Variants in SORBS2 observed in about 807,000 individuals in gnomAD.
SORBS2 encodes sorbin and SH3 domain-containing protein 2.
Under a neutral mutation model 97.7 loss-of-function variants are expected in SORBS2, and 46 were observed. That is an observed-to-expected ratio of 0.47 (90% CI 0.37 to 0.60). The LOEUF is 0.60. Ranked by LOEUF, SORBS2 falls within the 20% of genes least tolerant of loss-of-function variation. SORBS2 has a pLI of 0.00. For synonymous variants in SORBS2, 476 were observed against 473.4 expected, an observed-to-expected ratio of 1.01 and a Z score of -0.07; for missense variants, 1,316 against 1,282.3, an observed-to-expected ratio of 1.03 and a Z score of -0.40.
At chr4:185,908,804 G>A (rs900348612) in intron 1 of SORBS2, among the ~76,000 whole-genome samples, 4 of 151,930 alleles carry the variant, frequency 2.6e-5, no homozygotes, top group African/African-American at 9.7e-5. Context: ...AAAACAGATA[G>A]GTTGAGCCAT....
chr4:185,746,283 G>A (rs1037508046), intron 2 of SORBS2, among the ~76,000 whole-genome samples: 1 of 152,104 alleles, frequency 6.6e-6, no homozygotes, highest in East Asian at 1.9e-4. Flanking sequence ...TTGGATCCAC[G>A]TAGTCTCTCT....
intron 1 of SORBS2, among the ~76,000 whole-genome samples, chr4:185,944,636 A>C (rs532935803): frequency 1.8e-4 from 27 of 152,364 alleles, no homozygotes; most frequent in African/African-American, 3.6e-4. Context: ...AAATGCTGGC[A>C]TAACTAAAAG....
At chr4:185,678,341 G>A (rs1160492536) in intron 4 of SORBS2, 82 bp downstream of exon 7, 60 of 1,121,794 alleles carry the variant, frequency 5.3e-5, no homozygotes, top group Non-Finnish European at 6.1e-5. Context: ...ATTGAAATAC[G>A]CACATTAGGA....
rs529099781 is a variant in SORBS2, at chr4:185,609,198, G to A, written c.2796+2582C>T. On this transcript the variant is annotated intron_variant, in intron 12 of 14. Coordinates refer to ENST00000418609, the Ensembl canonical transcript of SORBS2. Reference sequence around the variant, plus strand: ...GTTTTCAATGATATAAACCACTCAAGTCTCATTCAGCAGTCTACAGAAGTT... The same window carrying A: ...GTTTTCAATGATATAAACCACTCAAATCTCATTCAGCAGTCTACAGAAGTT... Among the ~76,000 whole-genome samples, 36 of 152,200 alleles carry A rather than the reference G, an allele frequency of 2.4e-4. No individual in the cohort carries two copies. In the South Asian group the frequency reaches 4.4e-3, roughly 18 times the overall value.
chr4:185,748,098 C>T (rs1404223736), intron 2 of SORBS2, among the ~76,000 whole-genome samples: 2 of 152,254 alleles, frequency 1.3e-5, no homozygotes, highest in South Asian at 2.1e-4. Flanking sequence ...ATTTAAGGTA[C>T]ATTTTGTAAG....
At chr4:185,669,291 G>T (rs1476781236) in intron 4 of SORBS2, among the ~76,000 whole-genome samples, 3 of 152,224 alleles carry the variant, frequency 2.0e-5, no homozygotes, top group Non-Finnish European at 2.9e-5. Flanking sequence ...GGGACCGATG[G>T]CAGAATGCGG....
rs541169139 is a variant in SORBS2 at position 185,741,094 on chromosome 4, C to T, written c.-198+34133G>A. Among the ~76,000 whole-genome samples the T allele has an allele frequency of 3.5e-4, 54 of 152,156 alleles. 1 individual carries two copies. The highest frequency in any genetic ancestry group is 1.0e-3 in the Admixed American group (16 of 15,282). ...ATAGACTCAGACTCCAAAAATATGT[C>T]GAGAAAGTCTAACCAAAATTTGCAA... is the stretch of plus-strand genomic sequence containing the variant. On this transcript the variant is annotated intron_variant, in intron 2 of 20. Coordinates refer to the SORBS2 transcript ENST00000284776.
At position 185,904,272 on chromosome 4, in the gene SORBS2, C is replaced by T. The variant is rs555956984; in HGVS notation, c.-338+51924G>A. The stretch of plus-strand genomic sequence containing the variant: ...ATCTTCGTCTGTGTGCGGGAAGGAA[C>T]GTCACAGGATTGGGACTATGTATTT... On this transcript the variant is annotated intron_variant, in intron 1 of 20. Coordinates refer to the SORBS2 transcript ENST00000284776. Among the ~76,000 whole-genome samples, 31 of 152,296 alleles carry T rather than the reference C, an allele frequency of 2.0e-4. No homozygotes were observed. In the South Asian group the frequency reaches 4.2e-3, roughly 20 times the overall value.
chr4:185,665,254 G>A (rs977336194), intron 4 of SORBS2, among the ~76,000 whole-genome samples: 11 of 152,140 alleles, frequency 7.2e-5, no homozygotes, highest in African/African-American at 2.7e-4. Context: ...GTTAGAGAAG[G>A]AGGAACAAGA....
At chr4:185,854,418 C>T (rs6848278) in intron 1 of SORBS2, among the ~76,000 whole-genome samples, 84,598 of 151,832 alleles carry the variant, frequency 0.56, 23,948 homozygotes, top group East Asian at 0.79. Flanking sequence ...GTGACATGCT[C>T]CTGGCTACAG....
chr4:185,635,242 T>A (rs1202968727), intron 4 of SORBS2, 113 bp downstream of exon 16: 1 of 743,954 alleles, frequency 1.3e-6, no homozygotes, highest in Admixed American at 2.6e-5. Flanking sequence ...AAGATAGATA[T>A]TTTTTCAAAA....
chr4:185,740,867 G>A (rs28493407), intron 2 of SORBS2, among the ~76,000 whole-genome samples: 24 of 121,928 alleles, frequency 2.0e-4, no homozygotes, highest in Admixed American at 6.5e-4. Context: ...GCACCAACTC[G>A]AACCAGCACT....
At chr4:185,661,621 G>C (rs541537519), upstream of SORBS2, among the ~76,000 whole-genome samples, 32 of 152,172 alleles carry the variant, frequency 2.1e-4, no homozygotes, top group Non-Finnish European at 4.3e-4. Context: ...GCCTTGGTTT[G>C]AATGGTGGTT....
In SORBS2 at chr4:185,888,958, T is replaced by C. The variant is rs534915435; in HGVS notation, c.-338+67238A>G. Among the ~76,000 whole-genome samples, 460 of 152,382 alleles carry C rather than the reference T, an allele frequency of 3.0e-3. 1 individual carries two copies. Among genetic ancestry groups the C allele is most frequent in the Non-Finnish European group, 5.4e-3 (368 of 68,044 alleles). On this transcript the variant is annotated intron_variant, in intron 1 of 20. Transcript: ENST00000284776. Reference sequence around the variant, plus strand: ...TGTCGCCTTCCAAATTGCCAGTGCATAGCTGTATCTCTTTCCCAGCACACA... The same window carrying C: ...TGTCGCCTTCCAAATTGCCAGTGCACAGCTGTATCTCTTTCCCAGCACACA...
intron 14 of SORBS2, among the ~76,000 whole-genome samples, chr4:185,588,468 G>C (rs1347166359): frequency 6.6e-6 from 1 of 152,134 alleles, no homozygotes; most frequent in African/African-American, 2.4e-5. Flanking sequence ...TCTTTAGGCA[G>C]CGCAGATGGA....
At position 185,724,280 on chromosome 4, in the gene SORBS2, AC is replaced by A. The variant is rs529252794; in HGVS notation, c.-197-45459del. Among the ~76,000 whole-genome samples the A allele has an allele frequency of 1.9e-3, 290 of 151,880 alleles. 1 individual carries two copies. The highest frequency in any genetic ancestry group is 6.8e-3 in the African/African-American group (283 of 41,414). On this transcript the variant is annotated intron_variant, in intron 2 of 20. Coordinates refer to the SORBS2 transcript ENST00000284776. ...TTTGATCTTAAGCTGTGCTGGGACA[AC>A]TTTTGCATGTTTTTATTGAATACTT...
intron 2 of SORBS2, among the ~76,000 whole-genome samples, chr4:185,693,020 G>A (rs991652873): frequency 6.6e-6 from 1 of 152,070 alleles, no homozygotes; most frequent in Admixed American, 6.5e-5. Flanking sequence ...GTGTCATATC[G>A]TTGTCCGTCT....
At chr4:185,770,081 A>ATTTT (rs34286752) in intron 2 of SORBS2, among the ~76,000 whole-genome samples, 1 of 145,804 alleles carries the variant, frequency 6.9e-6, no homozygotes, top group African/African-American at 2.5e-5. Context: ...GCCGGATGGC[A>ATTTT]TTTTTTTTTT....
Position 185,748,996 on chromosome 4 carries a change from C to T in SORBS2, c.-198+26231G>A, listed in dbSNP as rs550177837. On this transcript the variant is annotated intron_variant, in intron 2 of 20. Coordinates refer to the SORBS2 transcript ENST00000284776. ...TAAGATGGTATTCAAACTCAGAGCA[C>T]GGCAGAAAGTTCCCAAAAAGATGTT... 1.1e-4 allele frequency among the ~76,000 whole-genome samples: 16 copies of T among 152,266 alleles called. 1 individual carries two copies. The East Asian group carries it at 2.1e-3, about 20-fold the overall frequency.
Sources: allele counts gnomAD v4.1 joint callset (sites outside exome capture counted in the v4.1 genomes callset), GRCh38; gene constraint gnomAD v4.1.1; transcripts MANE v1.5; gene names NCBI Gene and HGNC (gene_info 2026-07-23, HGNC 2026-07-21).